The following CACNA1E variants were observed in gnomAD, a reference collection of about 807,000 sequenced individuals.
The protein encoded by CACNA1E is voltage-dependent R-type calcium channel subunit alpha-1E.
CACNA1E carries 40 observed loss-of-function variants against 259.2 expected under a neutral mutation model. That is an observed-to-expected ratio of 0.15 (90% CI 0.12 to 0.20). CACNA1E has a LOEUF of 0.20. Ranked by LOEUF, CACNA1E falls within the 10% of genes least tolerant of loss-of-function variation. The probability of loss-of-function intolerance (pLI) is 1.00; values close to 1 mark genes in which losing one functional copy is unlikely to be tolerated. For missense variants in CACNA1E, 1,874 were observed against 3,040.1 expected (o/e 0.62, Z 9.02); for synonymous variants, 1,104 against 1,138.5 (o/e 0.97, Z 0.61).
intron 1 of CACNA1E, among the ~76,000 whole-genome samples, chr1:181,489,567 C>A (rs1185987988): frequency 6.6e-6 from 1 of 152,146 alleles, no homozygotes; most frequent in Non-Finnish European, 1.5e-5. Context: ...GCCTCCTACC[C>A]AGCCCTGTTA....
chr1:181,668,719 C>G (rs904633588), intron 7 of CACNA1E: 1 of 151,972 alleles, frequency 6.6e-6, no homozygotes, highest in Admixed American at 6.6e-5. Flanking sequence ...AAATTTATCT[C>G]GAAGTTATAA....
intron 1 of CACNA1E, among the ~76,000 whole-genome samples, chr1:181,336,137 G>C (rs1401598630): frequency 6.6e-6 from 1 of 152,210 alleles, no homozygotes; most frequent in Non-Finnish European, 1.5e-5. Flanking sequence ...TGCTCGTACA[G>C]TGAGGGCTTG....
intron 1 of CACNA1E, among the ~76,000 whole-genome samples, chr1:181,499,446 G>T (rs967233337): frequency 1.3e-5 from 2 of 152,186 alleles, no homozygotes; most frequent in African/African-American, 4.8e-5. Context: ...GTACAGAGAG[G>T]TTTCTAGCCC....
chr1:181,530,071 G>A (rs1399273078), intron 3 of CACNA1E, among the ~76,000 whole-genome samples: 2 of 152,160 alleles, frequency 1.3e-5, no homozygotes, highest in Non-Finnish European at 2.9e-5. Context: ...ACATGTTGTG[G>A]GAGGGACCCA....
intron 3 of CACNA1E, among the ~76,000 whole-genome samples, chr1:181,538,880 C>T (rs1031037981): frequency 1.3e-5 from 2 of 152,192 alleles, no homozygotes; most frequent in Admixed American, 1.3e-4. Flanking sequence ...AAAGATCATG[C>T]AGAAGATGAT....
chr1:181,347,920 A>T (rs561961198), intron 1 of CACNA1E, among the ~76,000 whole-genome samples: 1 of 152,266 alleles, frequency 6.6e-6, no homozygotes, highest in African/African-American at 2.4e-5. Flanking sequence ...GGCAATTTGC[A>T]TAGGCGTTAA....
chr1:181,629,588 A>G (rs1452755116), intron 6 of CACNA1E, among the ~76,000 whole-genome samples: 4 of 152,138 alleles, frequency 2.6e-5, no homozygotes, highest in Admixed American at 6.5e-5. Flanking sequence ...GGTAAAGGAC[A>G]CCATAAGTAA....
rs1324232599 is a variant in CACNA1E, at chr1:181,733,770, T to C, written c.3262+20T>C. 1.3e-6 allele frequency: 2 copies of C among 1,483,230 alleles called. No homozygotes were observed. Among genetic ancestry groups the C allele is most frequent in the Non-Finnish European group, 1.8e-6 (2 of 1,110,814 alleles). The allele number at this position is 1,483,230 out of a possible 1,614,324, so 91.9% of individuals were successfully genotyped here. A position where few individuals can be genotyped will look rare whatever the true frequency, so the allele number is the denominator to read the frequency against. On this transcript the variant is annotated intron_variant, in intron 21 of 47. Transcript: ENST00000367573. ...TGCACAGTGAGAGCACAGTCCCTGT[T>C]CCCCTCCACCCCCAACTCCTATCCC...
At chr1:181,612,126 AC>A (rs1199291570) in intron 6 of CACNA1E, among the ~76,000 whole-genome samples, 2 of 152,180 alleles carry the variant, frequency 1.3e-5, no homozygotes, top group Non-Finnish European at 2.9e-5. Context: ...TGGCCTGGCC[AC>A]CTATGGAAGC....
At chr1:181,690,690 A>G (rs918306627) in intron 7 of CACNA1E, among the ~76,000 whole-genome samples, 1 of 152,126 alleles carries the variant, frequency 6.6e-6, no homozygotes, top group African/African-American at 2.4e-5. Flanking sequence ...GAGGTCCTTC[A>G]CATCCCTTGT....
At position 181,733,002 on chromosome 1, in the gene CACNA1E, G is replaced by A. The variant is rs771250828; in HGVS notation, c.2916G>A (p.Thr972=). 1.3e-5 allele frequency: 21 copies of A among 1,610,444 alleles called. No individual in the cohort carries two copies. In the Admixed American group the frequency reaches 2.4e-4, roughly 18 times the overall value. Residue 972 remains threonine, a synonymous_variant, in exon 20 of 48, where the codon ACG becomes ACA. Transcript: ENST00000367573. Reference sequence around the variant, plus strand: ...GCAACCATGGTGCCAAGGAGCCAACGATCCAAGAAGAGAGAGCCCAGGATT... The same window carrying A: ...GCAACCATGGTGCCAAGGAGCCAACAATCCAAGAAGAGAGAGCCCAGGATT... The part of the protein sequence containing the change: ...LRGNHGAKEP[T]IQEERAQDLR...
intron 1 of CACNA1E, among the ~76,000 whole-genome samples, chr1:181,352,141 A>G (rs1264683924): frequency 2.6e-5 from 4 of 152,240 alleles, no homozygotes; most frequent in Admixed American, 6.5e-5. Flanking sequence ...TTAATTTTTC[A>G]TAACATCTTA....
At chr1:181,345,377 C>T (rs1446133141) in intron 1 of CACNA1E, among the ~76,000 whole-genome samples, 1 of 152,208 alleles carries the variant, frequency 6.6e-6, no homozygotes, top group Non-Finnish European at 1.5e-5. Context: ...GAAGGGCTGG[C>T]TGCACATGGA....
At chr1:181,596,382 C>T (rs1231088335) in intron 6 of CACNA1E, among the ~76,000 whole-genome samples, 1 of 152,250 alleles carries the variant, frequency 6.6e-6, no homozygotes, top group East Asian at 1.9e-4. Flanking sequence ...TAGCTCCCCA[C>T]TTCTTTGCCT....
At chr1:181,512,895 C>G (rs2479679) in intron 3 of CACNA1E, among the ~76,000 whole-genome samples, 90,096 of 152,120 alleles carry the variant, frequency 0.59, 28,162 homozygotes, top group African/African-American at 0.81. Flanking sequence ...TATTACAGAA[C>G]TATATTGGGT....
At chr1:181,450,422 TTGTGTGTG>T (rs58472519) in intron 2 of CACNA1E, among the ~76,000 whole-genome samples, 6 of 150,530 alleles carry the variant, frequency 4.0e-5, no homozygotes, top group African/African-American at 2.4e-5. Context: ...TGAAGGGGGA[TTGTGTGTG>T]TGTGTGTGTG....
chr1:181,542,173 CT>C (rs1668631875), intron 3 of CACNA1E, among the ~76,000 whole-genome samples: 1 of 152,178 alleles, frequency 6.6e-6, no homozygotes, highest in Admixed American at 6.5e-5. Flanking sequence ...CAGCTGACAG[CT>C]TGACTCCAAC....
At chr1:181,444,218 T>C (rs1197620290) in intron 2 of CACNA1E, among the ~76,000 whole-genome samples, 2 of 152,010 alleles carry the variant, frequency 1.3e-5, no homozygotes, top group African/African-American at 4.8e-5. Context: ...CTTCCTTTGA[T>C]AGCAATCCAG....
chr1:181,521,027 T>A (rs1421450607), intron 3 of CACNA1E, among the ~76,000 whole-genome samples: 1 of 152,202 alleles, frequency 6.6e-6, no homozygotes, highest in East Asian at 1.9e-4. Context: ...AAGCCTGAGG[T>A]CTGACTTCTT....
Sources: gnomAD v4.1 joint callset for allele counts (sites outside exome capture counted in the v4.1 genomes callset) on GRCh38, gnomAD v4.1.1 for gene constraint, MANE v1.5 for transcripts, NCBI Gene and HGNC (gene_info 2026-07-23, HGNC 2026-07-21) for gene names.